SENP7: variants seen among roughly 807,000 people sequenced by gnomAD.
SENP7 encodes the protein sentrin-specific protease 7.
A neutral mutation model predicts 141.2 loss-of-function variants in SENP7; 64 were observed. The ratio of observed to expected loss-of-function variants is 0.45; its 90% CI spans 0.37 to 0.56. SENP7 has a LOEUF of 0.56. SENP7 is among the 20% of genes least tolerant of loss of function. SENP7 has a pLI of 0.00. For synonymous variants in SENP7, 382 were observed against 426.4 expected (o/e 0.90, Z 1.28); for missense variants, 1,025 against 1,212.2 (o/e 0.85, Z 2.29).
At chr3:101,512,223 T>C (rs2065890239) in intron 1 of SENP7, among the ~76,000 whole-genome samples, 1 of 152,238 alleles carries the variant, frequency 6.6e-6, no homozygotes, top group African/African-American at 2.4e-5. Flanking sequence ...GTTTGTGTAC[T>C]GGACTGTAAG....
chr3:101,344,991 C>CAAAAAAAAAAAAAAAAAAAAAAAAA (rs71132568), intron 13 of SENP7, among the ~76,000 whole-genome samples: 1 of 61,342 alleles, frequency 1.6e-5, no homozygotes, highest in Non-Finnish European at 2.8e-5. Context: ...AAAAAGAAAG[C>CAAAAAAAAAAAAAAAAAAAAAAAAA]AAAAAAAAAA....
At chr3:101,429,159 G>C (rs957839328) in intron 4 of SENP7, among the ~76,000 whole-genome samples, 1 of 152,112 alleles carries the variant, frequency 6.6e-6, no homozygotes, top group African/African-American at 2.4e-5. Flanking sequence ...GCTTAGGATT[G>C]TCTTGGCTAC....
intron 3 of SENP7, among the ~76,000 whole-genome samples, chr3:101,468,851 C>G (rs536927619): frequency 3.9e-4 from 59 of 152,188 alleles, no homozygotes; most frequent in Admixed American, 6.5e-4. Flanking sequence ...CAAATTCACA[C>G]TAACAATATT....
At chr3:101,358,401 A>T in intron 11 of SENP7, 1 of 455,386 alleles carries the variant, frequency 2.2e-6, no homozygotes, top group Admixed American at 2.6e-5. Context: ...AGCATAAGAT[A>T]ATTTATACTG....
chr3:101,368,095 G>A (rs2060085554), intron 7 of SENP7, 84 bp from the exon 8 acceptor site: 1 of 995,492 alleles, frequency 1.0e-6, no homozygotes, highest in Non-Finnish European at 1.5e-6. Flanking sequence ...ACATCATCAG[G>A]ATTGCTATAC....
chr3:101,427,993 A>C (rs757676883), intron 4 of SENP7, among the ~76,000 whole-genome samples: 3 of 152,134 alleles, frequency 2.0e-5, no homozygotes, highest in African/African-American at 4.8e-5. Flanking sequence ...GATGGTTTCC[A>C]GTTTCATCCA....
At chr3:101,438,823 C>CG (rs1448761096) in intron 4 of SENP7, among the ~76,000 whole-genome samples, 1 of 152,090 alleles carries the variant, frequency 6.6e-6, no homozygotes, top group Non-Finnish European at 1.5e-5. Context: ...TCTTTGCCGC[C>CG]GCGCCGGCGA....
chr3:101,367,785 A>G, intron 8 of SENP7, 45 bp downstream of exon 8: 1 of 1,238,808 alleles, frequency 8.1e-7, no homozygotes, highest in East Asian at 2.6e-5. Flanking sequence ...CGTTTTTATC[A>G]TAGCATGAAA....
intron 4 of SENP7, among the ~76,000 whole-genome samples, chr3:101,437,152 G>A (rs1357544139): frequency 2.0e-5 from 3 of 152,190 alleles, no homozygotes; most frequent in Non-Finnish European, 2.9e-5. Context: ...TCACTTATTT[G>A]TGGGATCTAA....
intron 11 of SENP7, among the ~76,000 whole-genome samples, chr3:101,355,924 C>T (rs1028814081): frequency 1.3e-5 from 2 of 152,052 alleles, no homozygotes; most frequent in Non-Finnish European, 2.9e-5. Flanking sequence ...AGATCTTTCA[C>T]CTCCCTGGTT....
At chr3:101,433,112 A>G (rs918718174) in intron 4 of SENP7, among the ~76,000 whole-genome samples, 2 of 152,194 alleles carry the variant, frequency 1.3e-5, no homozygotes, top group African/African-American at 4.8e-5. Flanking sequence ...GTTAAAAAGC[A>G]GGGAGACAAA....
intron 5 of SENP7, chr3:101,414,665 G>A (rs535992027): frequency 6.3e-5 from 81 of 1,280,146 alleles, no homozygotes; most frequent in Non-Finnish European, 8.5e-5. Flanking sequence ...GGGGCTGAGG[G>A]CAAGAATATA....
At chr3:101,404,826 C>T (rs545149226) in intron 5 of SENP7, among the ~76,000 whole-genome samples, 1 of 152,236 alleles carries the variant, frequency 6.6e-6, no homozygotes, top group South Asian at 2.1e-4. Flanking sequence ...ATTTTAAAAG[C>T]ACAACATCAC....
intron 1 of SENP7, among the ~76,000 whole-genome samples, chr3:101,508,371 C>T (rs557972150): frequency 6.6e-6 from 1 of 152,116 alleles, no homozygotes; most frequent in African/African-American, 2.4e-5. Flanking sequence ...CCGAGGCAGG[C>T]AGATCACGAG....
chr3:101,449,279 C>T (rs576750648), intron 4 of SENP7, among the ~76,000 whole-genome samples: 3 of 152,122 alleles, frequency 2.0e-5, no homozygotes, highest in Non-Finnish European at 4.4e-5. Flanking sequence ...AGAATGGAAC[C>T]AAGTTGGAAA....
intron 1 of SENP7, 34 bp from the exon 2 acceptor site, chr3:101,501,153 T>C (rs201436631): frequency 2.8e-6 from 4 of 1,441,372 alleles, no homozygotes; most frequent in Non-Finnish European, 3.9e-6. Context: ...AAAATTATCG[T>C]TTAACATCTA....
At chr3:101,340,676 C>G (rs896575726) in intron 15 of SENP7, among the ~76,000 whole-genome samples, 2 of 152,162 alleles carry the variant, frequency 1.3e-5, no homozygotes, top group Admixed American at 1.3e-4. Flanking sequence ...GGTGGCTAAT[C>G]TATACCAGCA....
chr3:101,377,317 G>A (rs1189152754), intron 6 of SENP7, among the ~76,000 whole-genome samples: 2 of 152,052 alleles, frequency 1.3e-5, no homozygotes, highest in East Asian at 3.9e-4. Flanking sequence ...ATGGGAGAAA[G>A]ACAGCCAGGT....
At position 101,476,027 on chromosome 3, in the gene SENP7, T is replaced by C. The variant is rs1044484301; in HGVS notation, c.187-16975A>G. ...TCTACAGAACATTTCATCCACCAGC[T>C]ACAGATTACACACTCTTCTCACGAG... On this transcript the variant is annotated intron_variant, in intron 3 of 23. Transcript: ENST00000394095. 5.3e-5 allele frequency among the ~76,000 whole-genome samples: 8 copies of C among 152,268 alleles called. No individual in the cohort carries two copies. The South Asian group carries it at 1.2e-3, about 24-fold the overall frequency.
Sources: gnomAD v4.1 joint callset for allele counts (sites outside exome capture counted in the v4.1 genomes callset) on GRCh38, gnomAD v4.1.1 for gene constraint, MANE v1.5 for transcripts, NCBI Gene and HGNC (gene_info 2026-07-23, HGNC 2026-07-21) for gene names.